Variants in NWD1 observed in about 807,000 individuals in gnomAD.
The protein encoded by NWD1 is NACHT and WD repeat domain containing 1.
In NWD1, 129 loss-of-function variants were observed where a neutral mutation model predicts 135.1. The observed-to-expected ratio is 0.96, with a 90% confidence interval of 0.83 to 1.11. The LOEUF is 1.11. NWD1 is among the 50% of genes least tolerant of loss of function. The pLI, the probability that NWD1 is intolerant of heterozygous loss-of-function variation, is 0.00. For synonymous variants in NWD1, 773 were observed against 786.0 expected, an observed-to-expected ratio of 0.98 and a Z score of 0.28; for missense variants, 1,740 against 1,851.3, an observed-to-expected ratio of 0.94 and a Z score of 1.10.
chr19:16,815,406 A>G lies in NWD1; in HGVS notation c.*367A>G. On this transcript the variant is annotated 3_prime_UTR_variant, in exon 19 of 19. Transcript: ENST00000524140. ...CCCCATTTAATCTAGTTAAAGCAAA[A>G]AGAATACGTTTGCTGGTGTATATCT... 1 of 629,008 alleles carries G rather than the reference A, an allele frequency of 1.6e-6. No individual in the cohort carries two copies. Among genetic ancestry groups the G allele is most frequent in the Non-Finnish European group, 2.8e-6 (1 of 352,176 alleles). 39.0% of individuals were successfully genotyped at this position (629,008 alleles called of 1,614,324 possible). A position where few individuals can be genotyped will look rare whatever the true frequency, so the allele number is the denominator to read the frequency against.
rs1457861754 is a variant in NWD1, at chr19:16,736,762, G to C, written c.198+12G>C. ...GGCCAGCTTTTGTTGTGAGTGTCTT[G>C]GGAGGAATGGGTTAGCTCTTACTCC... On this transcript the variant is annotated intron_variant, in intron 4 of 18. Coordinates refer to ENST00000524140, the MANE Select transcript of NWD1 (RefSeq NM_001007525.5). 7.0e-7 allele frequency: 1 copy of C among 1,428,148 alleles called. No homozygotes were observed. Among genetic ancestry groups the C allele is most frequent in the African/African-American group, 1.4e-5 (1 of 71,096 alleles). 88.5% of individuals were successfully genotyped at this position (1,428,148 alleles called of 1,614,324 possible). A position where few individuals can be genotyped will look rare whatever the true frequency, so the allele number is the denominator to read the frequency against.
At chr19:16,791,763 G>C (rs1263590949) in intron 14 of NWD1, 141 bp downstream of exon 14, 24 of 828,316 alleles carry the variant, frequency 2.9e-5, no homozygotes, top group East Asian at 2.3e-4. Context: ...GCCCAGGCTG[G>C]AGTGCAATGG....
intron 6 of NWD1, among the ~76,000 whole-genome samples, chr19:16,751,858 A>C (rs1223096109): frequency 1.3e-5 from 2 of 150,478 alleles, no homozygotes; most frequent in Non-Finnish European, 2.9e-5. Context: ...AGAAAGAAAA[A>C]AAAAGAAGGA....
At chr19:16,775,476 T>C (rs572649610) in intron 11 of NWD1, among the ~76,000 whole-genome samples, 2 of 152,174 alleles carry the variant, frequency 1.3e-5, no homozygotes, top group Admixed American at 6.6e-5. Context: ...GTTGGCCCAA[T>C]ATAGCTGCTC....
chr19:16,799,858 G>A (rs750685087), intron 16 of NWD1, 28 bp from the exon 17 acceptor site: 5 of 1,563,782 alleles, frequency 3.2e-6, no homozygotes, highest in East Asian at 4.5e-5. Flanking sequence ...GAAGATGTCA[G>A]ATCTGCCCTC....
At position 16,746,576 on chromosome 19, in the gene NWD1, G is replaced by A. The variant is rs190236691; in HGVS notation, c.496+1858G>A. ...TAGTCCCAGCTACTCGGGAGGCTGAGGCAGGAGAATCACTTGAACCCGGGA... is the reference window on the plus strand; with the variant it reads ...TAGTCCCAGCTACTCGGGAGGCTGAAGCAGGAGAATCACTTGAACCCGGGA... On this transcript the variant is annotated intron_variant, in intron 5 of 18. Coordinates refer to ENST00000524140, the MANE Select transcript of NWD1 (RefSeq NM_001007525.5). Among the ~76,000 whole-genome samples the A allele has an allele frequency of 6.4e-4, 97 of 152,198 alleles. No homozygotes were observed. In the East Asian group the frequency reaches 0.018, roughly 28 times the overall value.
chr19:16,732,125 G>A (rs1345528834), intron 3 of NWD1, among the ~76,000 whole-genome samples: 2 of 151,234 alleles, frequency 1.3e-5, no homozygotes, highest in Non-Finnish European at 2.9e-5. Flanking sequence ...GCTGAGGCAG[G>A]AGAATCGCCA....
chr19:16,738,803 TAC>T lies in NWD1; in HGVS notation c.198+2054_198+2055del, dbSNP rs1303646458. 1.9e-3 allele frequency among the ~76,000 whole-genome samples: 244 copies of T among 131,334 alleles called. 1 individual carries two copies. The highest frequency in any genetic ancestry group is 6.7e-3 in the African/African-American group (233 of 34,770). 86.2% of individuals were successfully genotyped at this position (131,334 alleles called of 152,430 possible). A position where few individuals can be genotyped will look rare whatever the true frequency, so the allele number is the denominator to read the frequency against. ...ATATAATATATAATAACATATAACA[TAC>T]TATTATATGTATAATATATAATGTA... On this transcript the variant is annotated intron_variant, in intron 4 of 18. Transcript: ENST00000524140.
At chr19:16,798,004 G>A in intron 16 of NWD1, 118 bp downstream of exon 16, 2 of 910,580 alleles carry the variant, frequency 2.2e-6, no homozygotes, top group Non-Finnish European at 3.4e-6. Flanking sequence ...AGGCAAAATA[G>A]GTGAGTTCAT....
intron 3 of NWD1, among the ~76,000 whole-genome samples, chr19:16,733,181 A>G (rs1267498413): frequency 5.3e-5 from 8 of 151,778 alleles, no homozygotes; most frequent in African/African-American, 1.9e-4. Context: ...TGATGGAGCC[A>G]CTGCACTCTA....
intron 12 of NWD1, among the ~76,000 whole-genome samples, chr19:16,786,202 A>T (rs28805911): frequency 0.18 from 27,586 of 150,794 alleles, 5,830 homozygotes; most frequent in African/African-American, 0.52. Flanking sequence ...AGAGACAGGG[A>T]CTCACTATGT....
intron 10 of NWD1, among the ~76,000 whole-genome samples, chr19:16,768,647 T>C (rs918014022): frequency 2.3e-4 from 35 of 152,198 alleles, no homozygotes; most frequent in African/African-American, 8.4e-4. Flanking sequence ...TAATTTTACA[T>C]GCACAGAAGT....
rs767533171 is a variant in NWD1 at position 16,807,647 on chromosome 19, G to A, written c.3798G>A (p.Gln1266=). 1 of 1,587,634 alleles carries A rather than the reference G, an allele frequency of 6.3e-7. No homozygotes were observed. The highest frequency in any genetic ancestry group is 8.6e-7 in the Non-Finnish European group (1 of 1,168,202). ...TCAGGTGTCTGGAGGTTGCTGAGCA[G>A]CGCAAGCTCCTATTTACGGGCCTCG... ...SEIRCLEVAE[Q]RKLLFTGLVS... The change falls in exon 18 of 19, where the codon CAG becomes CAA. Residue 1266 remains glutamine, a synonymous_variant. Coordinates refer to ENST00000524140, the MANE Select transcript of NWD1 (RefSeq NM_001007525.5).
At chr19:16,808,409 G>A (rs1970822794) in intron 18 of NWD1, among the ~76,000 whole-genome samples, 1 of 151,928 alleles carries the variant, frequency 6.6e-6, no homozygotes, top group Non-Finnish European at 1.5e-5. Context: ...AATTAGCCAG[G>A]TGTGGTGTTG....
In NWD1 at chr19:16,749,271, G is replaced by A. The variant is rs867793000; in HGVS notation, c.629G>A (p.Arg210Gln). 1.4e-5 allele frequency: 23 copies of A among 1,613,934 alleles called. No homozygotes were observed. Among genetic ancestry groups the A allele is most frequent in the Middle Eastern group, 1.6e-4 (1 of 6,084 alleles). Residue 210 changes from arginine to glutamine, a missense_variant, in exon 6 of 19, where the codon CGG (arginine) becomes CAG (glutamine). Arg to Gln is a conservative substitution (Grantham distance 43). Transcript: ENST00000524140. Reference protein sequence around the residue: ...LEDCALRMVDRLADGCLDADA... With the variant: ...LEDCALRMVDQLADGCLDADA... ...GACTGCGCCCTTAGGATGGTGGACC[G>A]GCTCGCGGATGGCTGCCTGGACGCT... is the stretch of plus-strand genomic sequence containing the variant.
At chr19:16,738,960 C>T (rs994899641) in intron 4 of NWD1, among the ~76,000 whole-genome samples, 28 of 145,330 alleles carry the variant, frequency 1.9e-4, no homozygotes, top group Non-Finnish European at 3.0e-4. Context: ...TTTGAACTCC[C>T]GGACTGAAGC....
chr19:16,810,395 G>A (rs113887087), intron 18 of NWD1, among the ~76,000 whole-genome samples: 6,198 of 137,052 alleles, frequency 0.045, 434 homozygotes, highest in African/African-American at 0.16. Context: ...CCGAGAACAC[G>A]CCACTACACT....
chr19:16,808,717 C>T (rs889719737), intron 18 of NWD1, among the ~76,000 whole-genome samples: 1 of 151,964 alleles, frequency 6.6e-6, no homozygotes, highest in Admixed American at 6.6e-5. Context: ...CAGTGATCCT[C>T]CCGCCTCAGC....
Position 16,744,426 on chromosome 19 carries a change from C to A in NWD1, c.204C>A (p.Leu68=). ...TGTGACTTCCTCTCTGCCAGGCCCT[C>A]ATCGGTGATCAGTACGGCCCCTGTC... ...KTSIGPAFVA[L]IGDQYGPCLI... The change falls in exon 5 of 19, where the codon CTC becomes CTA. Residue 68 remains leucine, a synonymous_variant. Transcript: ENST00000524140. 2.6e-6 allele frequency: 4 copies of A among 1,535,462 alleles called. No homozygotes were observed. The highest frequency in any genetic ancestry group is 3.5e-6 in the Non-Finnish European group (4 of 1,146,404).
Sources: allele counts gnomAD v4.1 joint callset (sites outside exome capture counted in the v4.1 genomes callset), GRCh38; gene constraint gnomAD v4.1.1; transcripts MANE v1.5; gene names NCBI Gene and HGNC (gene_info 2026-07-23, HGNC 2026-07-21).